Variants in RGPD2 observed in about 807,000 individuals in gnomAD.
The protein encoded by RGPD2 is RANBP2-like and GRIP domain-containing protein 2.
RGPD2 carries 2 observed loss-of-function variants against 36.0 expected under a neutral mutation model. That is an observed-to-expected ratio of 0.06 (90% confidence interval 0.02 to 0.17). The LOEUF is 0.17. Among genes scored for constraint, RGPD2 ranks in the 10% least tolerant of loss-of-function variants. The pLI is 1.00. For missense variants in RGPD2, 40 were observed against 464.3 expected (o/e 0.09, Z 8.40); for synonymous variants, 19 against 163.8 (o/e 0.12, Z 6.75).
chr2:87,923,180 G>T, the RGPD2 span, among the ~76,000 whole-genome samples: 1 of 151,974 alleles, frequency 6.6e-6, no homozygotes, highest in Non-Finnish European at 1.5e-5. Flanking sequence ...GCAGGAGAAT[G>T]AGAAAAAATG....
chr2:87,825,434 C>CGCCCGGCCGAG (rs1686690471), intron 1 of RGPD2, among the ~76,000 whole-genome samples: 3 of 124,146 alleles, frequency 2.4e-5, no homozygotes, highest in Admixed American at 7.9e-5. Context: ...CCGCCGCCGC[C>CGCCCGGCCGAG]GCCGCCGCCC....
the RGPD2 span, among the ~76,000 whole-genome samples, chr2:87,965,192 C>T: frequency 1.4e-5 from 2 of 140,148 alleles, no homozygotes; most frequent in Middle Eastern, 3.4e-3. Flanking sequence ...GTGGTAAAAT[C>T]TGATGAGTAT....
At chr2:87,845,829 G>A in the RGPD2 span, among the ~76,000 whole-genome samples, 3 of 151,852 alleles carry the variant, frequency 2.0e-5, no homozygotes, top group Non-Finnish European at 4.4e-5. Context: ...CAAGACTTTT[G>A]CTTTAAGATA....
At chr2:87,912,280 T>C in the RGPD2 span, among the ~76,000 whole-genome samples, 1 of 152,028 alleles carries the variant, frequency 6.6e-6, no homozygotes, top group East Asian at 2.0e-4. Flanking sequence ...ATAAATGCTT[T>C]TTGAATAGAA....
upstream of RGPD2, among the ~76,000 whole-genome samples, chr2:87,828,216 GT>G (rs1265423323): frequency 1.6e-4 from 14 of 85,734 alleles, 1 homozygote; most frequent in African/African-American, 6.4e-4. Flanking sequence ...TTTTATGTGT[GT>G]TTTTATGCAT....
At chr2:87,975,522 GC>G in the RGPD2 span, among the ~76,000 whole-genome samples, 1 of 138,456 alleles carries the variant, frequency 7.2e-6, no homozygotes, top group Admixed American at 7.9e-5. Flanking sequence ...ACCAAAAAAT[GC>G]ATCTGATCAT....
chr2:87,872,485 A>G, the RGPD2 span, among the ~76,000 whole-genome samples: 1 of 152,130 alleles, frequency 6.6e-6, no homozygotes, highest in Non-Finnish European at 1.5e-5. Flanking sequence ...GTTGTTTTTA[A>G]TTGTTTTTAG....
the RGPD2 span, among the ~76,000 whole-genome samples, chr2:87,972,124 AT>A: frequency 5.3e-5 from 8 of 152,344 alleles, no homozygotes; most frequent in East Asian, 1.5e-3. Context: ...TCTACCAGAA[AT>A]ATGGAGGTGA....
At chr2:87,864,105 A>G in the RGPD2 span, among the ~76,000 whole-genome samples, 1 of 152,126 alleles carries the variant, frequency 6.6e-6, no homozygotes, top group Non-Finnish European at 1.5e-5. Context: ...TCAGATAACT[A>G]GTGAATCATT....
the RGPD2 span, among the ~76,000 whole-genome samples, chr2:87,939,960 T>C: frequency 3.9e-5 from 6 of 152,034 alleles, no homozygotes; most frequent in African/African-American, 1.4e-4. Context: ...AGCATGAACA[T>C]TTTCGCATTT....
At chr2:87,832,786 TC>T in the RGPD2 span, among the ~76,000 whole-genome samples, 30 of 150,374 alleles carry the variant, frequency 2.0e-4, no homozygotes, top group African/African-American at 7.1e-4. Context: ...CGAGAACCTT[TC>T]TTTAAAAAAA....
At position 87,760,849 on chromosome 2, in the gene RGPD2, C is replaced by T. The variant is rs1243837168; in HGVS notation, c.5237-3423G>A. Among the ~76,000 whole-genome samples the T allele has an allele frequency of 2.1e-5, 3 of 144,504 alleles. No individual in the cohort carries two copies. The East Asian group carries it at 6.1e-4, about 30-fold the overall frequency. 94.8% of individuals were successfully genotyped at this position (144,504 alleles called of 152,430 possible). ...AGCCAGGATGGTCTCGATCTCCTGA[C>T]CTTGCGATCTGCCCGCCTCGGCCTC... is the stretch of plus-strand genomic sequence containing the variant. On this transcript the variant is annotated intron_variant, in intron 22 of 22. Coordinates refer to ENST00000398146, the MANE Select transcript of RGPD2 (RefSeq NM_001078170.3).
the RGPD2 span, chr2:87,973,004 C>T: frequency 6.5e-3 from 10,411 of 1,611,800 alleles, 117 homozygotes; most frequent in East Asian, 0.073. Flanking sequence ...GCTTGACCTT[C>T]GCCTCCTCAG....
the RGPD2 span, among the ~76,000 whole-genome samples, chr2:87,988,699 C>T: frequency 1.3e-4 from 19 of 151,406 alleles, no homozygotes; most frequent in African/African-American, 4.4e-4. Flanking sequence ...CACCACCACA[C>T]CCCGCTGATT....
At chr2:87,972,040 G>T in the RGPD2 span, among the ~76,000 whole-genome samples, 1 of 151,408 alleles carries the variant, frequency 6.6e-6, no homozygotes, top group Non-Finnish European at 1.5e-5. Flanking sequence ...CATAGATTAG[G>T]AAGTCAAGCA....
chr2:87,822,303 G>A (rs879938398), intron 1 of RGPD2, among the ~76,000 whole-genome samples: 3 of 151,910 alleles, frequency 2.0e-5, no homozygotes, highest in Non-Finnish European at 4.4e-5. Context: ...AAAAAAAAGG[G>A]TAAGAAATGG....
chr2:87,831,222 A>T, the RGPD2 span, among the ~76,000 whole-genome samples: 1 of 152,106 alleles, frequency 6.6e-6, no homozygotes, highest in Non-Finnish European at 1.5e-5. Context: ...CAGAAGACAA[A>T]TTAGTAAAAT....
chr2:87,756,481 T>C lies in RGPD2; in HGVS notation c.*911A>G, dbSNP rs1983317. The C allele has an allele frequency of 0.27, 71,871 of 267,196 alleles. 335 individuals carry two copies. The highest frequency in any genetic ancestry group is 0.39 in the East Asian group (4,833 of 12,310). The allele number at this position is 267,196 out of a possible 1,614,324, so 16.6% of individuals were successfully genotyped here. A position where few individuals can be genotyped will look rare whatever the true frequency, so the allele number is the denominator to read the frequency against. The stretch of plus-strand genomic sequence containing the variant: ...CATCATTAAGTGATCTCATTTTATA[T>C]TGTTTACTTGAATATTTCCTGTAAC... On this transcript the variant is annotated 3_prime_UTR_variant, in exon 23 of 23. Transcript: ENST00000398146.
chr2:87,888,120 A>G, the RGPD2 span, among the ~76,000 whole-genome samples: 1 of 151,716 alleles, frequency 6.6e-6, no homozygotes, highest in Admixed American at 6.6e-5. Flanking sequence ...TTCTGGTATA[A>G]AATGACAGGA....
Sources: gnomAD v4.1 joint callset for allele counts (sites outside exome capture counted in the v4.1 genomes callset) on GRCh38, gnomAD v4.1.1 for gene constraint, MANE v1.5 for transcripts, NCBI Gene and HGNC (gene_info 2026-07-23, HGNC 2026-07-21) for gene names.